Variants in SUGP1 observed in about 807,000 individuals in gnomAD.
SUGP1 encodes the protein SURP and G-patch domain-containing protein 1.
A neutral mutation model predicts 76.5 loss-of-function variants in SUGP1; 34 were observed. The ratio of observed to expected loss-of-function variants is 0.44; its 90% CI spans 0.34 to 0.59. The LOEUF is 0.59. Among genes scored for constraint, SUGP1 ranks in the 20% least tolerant of loss-of-function variants. SUGP1 has a pLI of 0.01. For missense variants in SUGP1, 752 were observed against 851.7 expected (o/e 0.88, Z 1.46); for synonymous variants, 326 against 326.2 (o/e 1.00, Z 0.01).
At chr19:19,284,912 C>T (rs923060806) in intron 8 of SUGP1, among the ~76,000 whole-genome samples, 2 of 149,038 alleles carry the variant, frequency 1.3e-5, no homozygotes, top group Admixed American at 1.3e-4. Context: ...CTCGCTCTTT[C>T]GCCCAGGCCG....
Position 19,280,220 on chromosome 19 carries a change from C to A in SUGP1, c.1315G>T (p.Asp439Tyr). Reference protein sequence around the residue: ...VGLVGVTELSDAQKKQLKEQQ... With the variant: ...VGLVGVTELSYAQKKQLKEQQ... ...TCCTTCAGCTGCTTCTTCTGGGCGTCTGAAAGCTCTGTGACGCCCACTAGA... is the reference window on the plus strand; with the variant it reads ...TCCTTCAGCTGCTTCTTCTGGGCGTATGAAAGCTCTGTGACGCCCACTAGA... The change falls in exon 9 of 14, where the codon GAC becomes TAC. Residue 439 changes from aspartate to tyrosine, a missense_variant. Coordinates refer to ENST00000247001, the MANE Select transcript of SUGP1 (RefSeq NM_172231.4). 1.9e-6 allele frequency: 3 copies of A among 1,614,028 alleles called. No individual in the cohort carries two copies. Among genetic ancestry groups the A allele is most frequent in the Non-Finnish European group, 2.5e-6 (3 of 1,179,976 alleles).
chr19:19,298,906 T>C (rs2061249676), intron 7 of SUGP1, among the ~76,000 whole-genome samples: 4 of 151,892 alleles, frequency 2.6e-5, no homozygotes, highest in Admixed American at 2.0e-4. Flanking sequence ...CAAGGATGCA[T>C]CACAGTCCCC....
At chr19:19,313,782 C>A (rs913920454) in intron 2 of SUGP1, among the ~76,000 whole-genome samples, 1 of 152,006 alleles carries the variant, frequency 6.6e-6, no homozygotes, top group Non-Finnish European at 1.5e-5. Context: ...GCGGGTAGGT[C>A]ACCTGTGGCC....
At position 19,278,634 on chromosome 19, in the gene SUGP1, C is replaced by CT; in HGVS notation, c.1635+55dup. On this transcript the variant is annotated intron_variant, in intron 11 of 13. Coordinates refer to ENST00000247001, the MANE Select transcript of SUGP1 (RefSeq NM_172231.4). ...TTTGGGCACCTGCAGGGTGAGGCAG[C>CT]TACAGGAGGGGCTGGCATGTGGCAG... 3 of 1,509,486 alleles carry CT rather than the reference C, an allele frequency of 2.0e-6. No homozygotes were observed. The South Asian group carries it at 3.5e-5, about 18-fold the overall frequency. The allele number at this position is 1,509,486 out of a possible 1,614,324, so 93.5% of individuals were successfully genotyped here. A position where few individuals can be genotyped will look rare whatever the true frequency, so the allele number is the denominator to read the frequency against.
Position 19,303,471 on chromosome 19 carries a change from AAG to A in SUGP1, c.663-25_663-24del, listed in dbSNP as rs761825051. 1.9e-6 allele frequency: 3 copies of A among 1,593,488 alleles called. No homozygotes were observed. In the African/African-American group the frequency reaches 4.0e-5, roughly 21 times the overall value. ...AATCTGGAGAGGAGGAAGTTTGCAG[AAG>A]AGAGGGGAAAATAAGTATCTGTGAC... On this transcript the variant is annotated intron_variant, in intron 5 of 13. Coordinates refer to ENST00000247001, the MANE Select transcript of SUGP1 (RefSeq NM_172231.4).
At chr19:19,298,207 T>C (rs1248187958) in intron 7 of SUGP1, among the ~76,000 whole-genome samples, 2 of 121,596 alleles carry the variant, frequency 1.6e-5, no homozygotes, top group East Asian at 2.2e-4. Context: ...AGTCCCTTTG[T>C]GTTACAGAGG....
chr19:19,302,161 A>G (rs1207008747), intron 7 of SUGP1, 104 bp downstream of exon 7: 6 of 1,526,426 alleles, frequency 3.9e-6, no homozygotes, highest in Non-Finnish European at 5.3e-6. Flanking sequence ...AGCTTCTCAC[A>G]GTGGGACCCC....
At chr19:19,320,380 A>C (rs1269715249) in intron 1 of SUGP1, 83 bp downstream of exon 1, 22 of 1,466,008 alleles carry the variant, frequency 1.5e-5, no homozygotes, top group Non-Finnish European at 2.0e-5. Context: ...CACGGGTCGC[A>C]GCAGGACGGA....
intron 4 of SUGP1, among the ~76,000 whole-genome samples, chr19:19,304,659 G>A (rs1305937484): frequency 1.3e-5 from 2 of 152,236 alleles, no homozygotes; most frequent in Non-Finnish European, 2.9e-5. Flanking sequence ...GAGGCTGTGA[G>A]TTTGTCAGCT....
In SUGP1 at chr19:19,297,131, T is replaced by A. The variant is rs764761779; in HGVS notation, c.1101A>T (p.Pro367=). 1.9e-6 allele frequency: 3 copies of A among 1,613,870 alleles called. No homozygotes were observed. Residue 367 remains proline, a synonymous_variant, in exon 8 of 14, where the codon CCA becomes CCT. Transcript: ENST00000247001. ...CGGAGGCTGGCTTCCCGGGGGCAGCTGGAGCAGGGATGATAGTGGGCGCAG... is the reference window on the plus strand; with the variant it reads ...CGGAGGCTGGCTTCCCGGGGGCAGCAGGAGCAGGGATGATAGTGGGCGCAG... ...STPAPTIIPA[P]AAPGKPASAA...
Position 19,289,696 on chromosome 19 carries a change from C to T in SUGP1, c.1243+7293G>A, listed in dbSNP as rs186574253. ...CTGGGAGGTAGAGGTTGCAATGAGC[C>T]GAGATAGTGCCACAGCACTCCAGCC... On this transcript the variant is annotated intron_variant, in intron 8 of 13. Transcript: ENST00000247001. 2.2e-3 allele frequency among the ~76,000 whole-genome samples: 335 copies of T among 151,976 alleles called. 1 individual carries two copies. Among genetic ancestry groups the T allele is most frequent in the South Asian group, 7.7e-3 (37 of 4,816 alleles).
Position 19,320,472 on chromosome 19 carries a change from C to T in SUGP1, c.25G>A (p.Asp9Asn). The T allele has an allele frequency of 6.2e-7, 1 of 1,610,220 alleles. No homozygotes were observed. Among genetic ancestry groups the T allele is most frequent in the Non-Finnish European group, 8.5e-7 (1 of 1,178,636 alleles). ...AGGCGGGGGCTGTTACCTGCAACAT[C>T]CCGGTTGTCCATCTTGAGACTCATC... MSLKMDNRDVAGKANRWFG... is the reference protein window; with the variant it reads MSLKMDNRNVAGKANRWFG... The change falls in exon 1 of 14, where the codon GAT becomes AAT. Residue 9 changes from aspartate to asparagine, a missense_variant. Physicochemically the swap from Asp to Asn is conservative, Grantham distance 23. Coordinates refer to ENST00000247001, the MANE Select transcript of SUGP1 (RefSeq NM_172231.4).
intron 8 of SUGP1, among the ~76,000 whole-genome samples, chr19:19,288,138 T>G (rs763817373): frequency 6.6e-6 from 1 of 151,902 alleles, no homozygotes; most frequent in Non-Finnish European, 1.5e-5. Flanking sequence ...GCCTGGGCAA[T>G]AGAGTGAAAC....
chr19:19,280,271 C>T lies in SUGP1; in HGVS notation c.1264G>A (p.Gly422Ser), dbSNP rs766116629. 25 of 1,613,828 alleles carry T rather than the reference C, an allele frequency of 1.5e-5. No homozygotes were observed. The highest frequency in any genetic ancestry group is 5.0e-5 in the Admixed American group (3 of 60,002). Residue 422 changes from glycine (G) to serine (S), a missense_variant, in exon 9 of 14, where the codon GGC (glycine) becomes AGC (serine). Around this residue, in one of 2 missense-constraint regions of SUGP1, gnomAD observed 620 missense variants for 617.3 expected, o/e 1.00. Transcript: ENST00000247001. ...PLSVQDLKGL[G>S]YEKGKPVGLV... ...CCCACAGGCTTCCCCTTCTCATAGCCGAGCCCCTTGAGGTCCTGAACTGGA... is the reference window on the plus strand; with the variant it reads ...CCCACAGGCTTCCCCTTCTCATAGCTGAGCCCCTTGAGGTCCTGAACTGGA...
chr19:19,279,160 G>A, intron 10 of SUGP1, 53 bp downstream of exon 10: 4 of 1,505,934 alleles, frequency 2.7e-6, no homozygotes, highest in Non-Finnish European at 8.9e-7. Flanking sequence ...TTCCAGGGCA[G>A]GTGAGGGGGG....
At chr19:19,302,552 A>G in intron 6 of SUGP1, 164 bp from the exon 7 acceptor site, 1 of 1,037,236 alleles carries the variant, frequency 9.6e-7, no homozygotes, top group Non-Finnish European at 1.4e-6. Context: ...GCCAGAATTC[A>G]TAACACACCT....
At chr19:19,316,343 C>T in intron 2 of SUGP1, 79 bp downstream of exon 2, 2 of 1,543,568 alleles carry the variant, frequency 1.3e-6, no homozygotes, top group African/African-American at 1.4e-5. Context: ...ATGCTGACTG[C>T]CCTCACAAGC....
intron 1 of SUGP1, among the ~76,000 whole-genome samples, chr19:19,317,286 A>C (rs1381268931): frequency 6.6e-6 from 1 of 152,198 alleles, no homozygotes; most frequent in Non-Finnish European, 1.5e-5. Flanking sequence ...GAAAAAACAA[A>C]TAAGAAGCCA....
At chr19:19,279,515 A>G in intron 9 of SUGP1, 125 bp from the exon 10 acceptor site, 1 of 1,055,528 alleles carries the variant, frequency 9.5e-7, no homozygotes. Flanking sequence ...ACCCCTGGGC[A>G]GGACTGGAGC....
Sources: allele counts gnomAD v4.1 joint callset (sites outside exome capture counted in the v4.1 genomes callset), GRCh38; gene constraint gnomAD v4.1.1; regional missense constraint gnomAD v4.1.1; transcripts MANE v1.5; gene names NCBI Gene and HGNC (gene_info 2026-07-23, HGNC 2026-07-21).